PHF2: variants seen among roughly 807,000 people sequenced by gnomAD.
PHF2 encodes lysine-specific demethylase PHF2.
A neutral mutation model predicts 120.5 loss-of-function variants in PHF2; 27 were observed. The observed-to-expected ratio is 0.22, with a 90% CI of 0.17 to 0.31. The LOEUF (loss-of-function observed/expected upper bound fraction) is 0.31, where lower values mean the gene tolerates loss of function less well. Ranked by LOEUF, PHF2 falls within the 10% of genes least tolerant of loss-of-function variation. The pLI is 1.00. For synonymous variants in PHF2, 568 were observed against 592.5 expected (o/e 0.96, Z 0.60); for missense variants, 1,024 against 1,434.8 (o/e 0.71, Z 4.63).
chr9:93,614,887 G>A (rs1282153567), intron 1 of PHF2, among the ~76,000 whole-genome samples: 2 of 142,808 alleles, frequency 1.4e-5, no homozygotes, highest in Non-Finnish European at 3.1e-5. Flanking sequence ...GATGGTGATG[G>A]TGATGGTAAT....
chr9:93,671,007 C>A, intron 17 of PHF2: 1 of 983,008 alleles, frequency 1.0e-6, no homozygotes, highest in Non-Finnish European at 1.2e-6. Flanking sequence ...GCAGATGCAG[C>A]TGCAGGTCTA....
intron 17 of PHF2, among the ~76,000 whole-genome samples, chr9:93,670,461 G>A (rs1826761468): frequency 6.6e-6 from 1 of 152,246 alleles, no homozygotes; most frequent in Non-Finnish European, 1.5e-5. Context: ...CTGACTCAGA[G>A]TTTCTGGGTG....
chr9:93,639,344 A>G (rs150276374), intron 3 of PHF2, among the ~76,000 whole-genome samples: 134 of 152,346 alleles, frequency 8.8e-4, no homozygotes, highest in African/African-American at 3.0e-3. Context: ...TTGTCAATAG[A>G]ATCGTTTTCT....
chr9:93,641,173 G>A (rs1826166627), intron 3 of PHF2, among the ~76,000 whole-genome samples: 1 of 152,194 alleles, frequency 6.6e-6, no homozygotes, highest in Admixed American at 6.5e-5. Context: ...GAAGGTTAGT[G>A]GGGGCTGGAG....
At position 93,651,731 on chromosome 9, in the gene PHF2, A is replaced by G. The variant is rs188619632; in HGVS notation, c.603-1448A>G. On this transcript the variant is annotated intron_variant, in intron 5 of 21. Coordinates refer to ENST00000359246, the MANE Select transcript of PHF2 (RefSeq NM_005392.4). ...TTGCTCATGGTGGCCTTGCGTGTCC[A>G]TGGGGGCTTTGAGGACCTCCTCCCG... Among the ~76,000 whole-genome samples, 9 of 152,318 alleles carry G rather than the reference A, an allele frequency of 5.9e-5. No homozygotes were observed. In the East Asian group the frequency reaches 9.7e-4, roughly 16 times the overall value.
Position 93,677,249 on chromosome 9 carries a change from T to C in PHF2, c.3202+286T>C, listed in dbSNP as rs1176939934. On this transcript the variant is annotated intron_variant, in intron 21 of 21. Coordinates refer to ENST00000359246, the MANE Select transcript of PHF2 (RefSeq NM_005392.4). This position sits in a 1 kb window ranked among gnomAD's most constrained non-coding sequence, Gnocchi z 4.4. ...GGGCCGGCCAGCTGTGGGGACTGAG[T>C]GATGCAGCACGGGGTGCTGGCAGTG... Among the ~76,000 whole-genome samples the C allele has an allele frequency of 6.6e-6, 1 of 151,052 alleles. No homozygotes were observed. Among genetic ancestry groups the C allele is most frequent in the African/African-American group, 2.4e-5 (1 of 41,090 alleles).
chr9:93,580,634 T>G (rs1162652436), intron 1 of PHF2, among the ~76,000 whole-genome samples: 2 of 152,262 alleles, frequency 1.3e-5, no homozygotes. Context: ...CTCTTTCAGC[T>G]GCTTGTTCTA....
intron 1 of PHF2, among the ~76,000 whole-genome samples, chr9:93,606,418 A>G (rs2131621983): frequency 6.6e-6 from 1 of 152,326 alleles, no homozygotes; most frequent in South Asian, 2.1e-4. Context: ...GCCTTACATA[A>G]TAGGAGCTCA....
intron 1 of PHF2, among the ~76,000 whole-genome samples, chr9:93,599,223 G>A (rs1221850566): frequency 6.6e-6 from 1 of 152,166 alleles, no homozygotes; most frequent in Non-Finnish European, 1.5e-5. Context: ...GCTGGACCTC[G>A]GGCTGCTGCT....
At chr9:93,584,675 G>A (rs575523964) in intron 1 of PHF2, among the ~76,000 whole-genome samples, 30 of 152,320 alleles carry the variant, frequency 2.0e-4, no homozygotes, top group African/African-American at 7.0e-4. Context: ...CAGAAAGTAT[G>A]AGTCCTCTGA....
In PHF2 at chr9:93,676,640, C is replaced by G. The variant is rs1826916612; in HGVS notation, c.2879C>G (p.Thr960Ser). The G allele has an allele frequency of 1.2e-6, 2 of 1,608,430 alleles. No homozygotes were observed. Among genetic ancestry groups the G allele is most frequent in the African/African-American group, 1.3e-5 (1 of 74,854 alleles). ...AAAAAGAGTGCCAAGAGGAAGCTGA[C>G]TCCTAACACCACCTCCCCTTCCACC... Reference protein sequence around the residue: ...KKKKSAKRKLTPNTTSPSTST... With the variant: ...KKKKSAKRKLSPNTTSPSTST... The change falls in exon 21 of 22, where the codon ACT becomes AGT. Residue 960 changes from threonine (T) to serine (S), a missense_variant. Thr to Ser is a moderately conservative substitution (Grantham distance 58, BLOSUM62 1). Around this residue, in one of 2 missense-constraint regions of PHF2, gnomAD observed 677 missense variants for 857.4 expected, o/e 0.79. Coordinates refer to ENST00000359246, the MANE Select transcript of PHF2 (RefSeq NM_005392.4).
At position 93,665,880 on chromosome 9, in the gene PHF2, G is replaced by A. The variant is rs772858878; in HGVS notation, c.2116+16G>A. 5.0e-6 allele frequency: 8 copies of A among 1,611,450 alleles called. No individual in the cohort carries two copies. In the East Asian group the frequency reaches 1.3e-4, roughly 27 times the overall value. On this transcript the variant is annotated intron_variant, in intron 15 of 21. Transcript: ENST00000359246. ...GACTTGTCCTGTGAGTTGGGAGGGG[G>A]TGTTGGGGGAGGGGTGTGGGAGAGG... is the stretch of plus-strand genomic sequence containing the variant.
At chr9:93,610,902 A>G (rs1157392056) in intron 1 of PHF2, among the ~76,000 whole-genome samples, 1 of 152,124 alleles carries the variant, frequency 6.6e-6, no homozygotes, top group Admixed American at 6.5e-5. Context: ...TTGTTGAAGG[A>G]TTGAAAGTGC....
chr9:93,625,795 T>C (rs1825905961), intron 1 of PHF2, among the ~76,000 whole-genome samples: 1 of 152,074 alleles, frequency 6.6e-6, no homozygotes. Context: ...TTAATTCTTT[T>C]GGGTATGTAT....
intron 12 of PHF2, among the ~76,000 whole-genome samples, chr9:93,662,148 T>A (rs1039494341): frequency 2.7e-5 from 4 of 147,308 alleles, no homozygotes; most frequent in Non-Finnish European, 6.0e-5. Flanking sequence ...GATGGATGGA[T>A]GGATAGACAG....
intron 14 of PHF2, 24 bp downstream of exon 14, chr9:93,663,659 G>GTCACCCCTCCCATCCA: frequency 7.1e-7 from 1 of 1,410,172 alleles, no homozygotes; most frequent in Non-Finnish European, 1.0e-6. Flanking sequence ...TGGATGGGAG[G>GTCACCCCTCCCATCCA]GGTGACCTCG....
At chr9:93,608,245 C>T (rs1825576974) in intron 1 of PHF2, among the ~76,000 whole-genome samples, 3 of 151,912 alleles carry the variant, frequency 2.0e-5, no homozygotes, top group African/African-American at 7.3e-5. Flanking sequence ...ATTGCTTGAG[C>T]CTAGGAGTTT....
At chr9:93,624,397 GTGA>G (rs992273241) in intron 1 of PHF2, among the ~76,000 whole-genome samples, 23 of 151,900 alleles carry the variant, frequency 1.5e-4, no homozygotes, top group South Asian at 6.2e-4. Flanking sequence ...GAGGGTGGAG[GTGA>G]TGATGATAAT....
Position 93,592,782 on chromosome 9 carries a change from G to A in PHF2, c.98+15911G>A, listed in dbSNP as rs550664225. 3.3e-5 allele frequency among the ~76,000 whole-genome samples: 5 copies of A among 152,264 alleles called. 1 individual carries two copies. The highest frequency in any genetic ancestry group is 7.2e-5 in the African/African-American group (3 of 41,542). On this transcript the variant is annotated intron_variant, in intron 1 of 21. Transcript: ENST00000359246. ...TGATGTTCTGAGTGGCTCAGGAGCT[G>A]CAGACAGAGGGGGCCAAGCACCAGT...
Sources: gnomAD v4.1 joint callset for allele counts (sites outside exome capture counted in the v4.1 genomes callset) on GRCh38, gnomAD v4.1.1 for gene constraint, gnomAD v4.1.1 regional missense constraint, Gnocchi (gnomAD v3.1) non-coding constraint, MANE v1.5 for transcripts, NCBI Gene and HGNC (gene_info 2026-07-23, HGNC 2026-07-21) for gene names.